The following SAP30BP variants were observed in gnomAD, a reference collection of about 807,000 sequenced individuals.
SAP30BP encodes SAP30 binding protein.
A neutral mutation model predicts 46.3 loss-of-function variants in SAP30BP; 31 were observed. The ratio of observed to expected loss-of-function variants is 0.67; its 90% CI spans 0.50 to 0.90. The LOEUF is 0.90. Among genes scored for constraint, SAP30BP ranks in the 40% least tolerant of loss-of-function variants. The pLI, the probability that SAP30BP is intolerant of heterozygous loss-of-function variation, is 0.00. For synonymous variants in SAP30BP, 169 were observed against 144.2 expected, an observed-to-expected ratio of 1.17 and a Z score of -1.23; for missense variants, 312 against 391.0, an observed-to-expected ratio of 0.80 and a Z score of 1.70.
At chr17:75,694,549 G>C (rs2060286450) in intron 4 of SAP30BP, among the ~76,000 whole-genome samples, 1 of 152,212 alleles carries the variant, frequency 6.6e-6, no homozygotes, top group African/African-American at 2.4e-5. Context: ...TTTAGAAAGT[G>C]ACGCCTTAGG....
At chr17:75,687,917 G>GGTGTGTGTGTGTGT (rs68006166) in intron 3 of SAP30BP, among the ~76,000 whole-genome samples, 287 of 120,332 alleles carry the variant, frequency 2.4e-3, no homozygotes, top group African/African-American at 7.0e-3. Context: ...CAGTGTTTGG[G>GGTGTGTGTGTGTGT]GTGTGTGTGT....
At chr17:75,695,081 A>G (rs2060297289) in intron 4 of SAP30BP, among the ~76,000 whole-genome samples, 1 of 123,330 alleles carries the variant, frequency 8.1e-6, no homozygotes. Flanking sequence ...CCTCAGCCTC[A>G]GGCAAGCTGT....
Position 75,706,724 on chromosome 17 carries a change from G to A in SAP30BP, c.*203G>A, listed in dbSNP as rs2060502908. On this transcript the variant is annotated 3_prime_UTR_variant, in exon 11 of 11. Transcript: ENST00000584667. The surrounding 1 kb of genome is among the most constrained non-coding windows in gnomAD (Gnocchi z 4.6). ...ACAGGGTCTGTCCACGCACCACCTGGGGTCTGCCGCCTATTAAAAGTGCCG... is the reference window on the plus strand; with the variant it reads ...ACAGGGTCTGTCCACGCACCACCTGAGGTCTGCCGCCTATTAAAAGTGCCG... 1.7e-6 allele frequency: 1 copy of A among 584,384 alleles called. No homozygotes were observed. The highest frequency in any genetic ancestry group is 3.0e-6 in the Non-Finnish European group (1 of 329,052). 36.2% of individuals were successfully genotyped at this position (584,384 alleles called of 1,614,324 possible). A position where few individuals can be genotyped will look rare whatever the true frequency, so the allele number is the denominator to read the frequency against.
Position 75,703,310 on chromosome 17 carries a change from G to T in SAP30BP, c.489-1G>T, listed in dbSNP as rs763464498. On this transcript the variant is annotated splice_acceptor_variant, in intron 6 of 10. Transcript: ENST00000584667. LOFTEE classifies it high-confidence loss of function. ...GCTCAGCGCCGGCACTGTTCTTTCA[G>T]CATCTACGAGAAGCTGATCCAGTTC... 1 of 1,614,070 alleles carries T rather than the reference G, an allele frequency of 6.2e-7. No homozygotes were observed. The highest frequency in any genetic ancestry group is 8.5e-7 in the Non-Finnish European group (1 of 1,179,984).
chr17:75,703,307 T>A lies in SAP30BP; in HGVS notation c.489-4T>A, dbSNP rs755693852. 6.2e-7 allele frequency: 1 copy of A among 1,614,098 alleles called. No individual in the cohort carries two copies. Among genetic ancestry groups the A allele is most frequent in the South Asian group, 1.1e-5 (1 of 91,084 alleles). ...CCTGCTCAGCGCCGGCACTGTTCTT[T>A]CAGCATCTACGAGAAGCTGATCCAG... On this transcript the variant is annotated splice_polypyrimidine_tract_variant and splice_region_variant and intron_variant, in intron 6 of 10. Transcript: ENST00000584667.
Position 75,706,536 on chromosome 17 carries a change from C to G in SAP30BP, c.*15C>G. ...CCAAGCAGTGACCTGAGGGGCCACC[C>G]TAGGACTTGAAAGGACCGTGCAGCC... is the stretch of plus-strand genomic sequence containing the variant. On this transcript the variant is annotated 3_prime_UTR_variant, in exon 11 of 11. Coordinates refer to ENST00000584667, the MANE Select transcript of SAP30BP (RefSeq NM_013260.8). The surrounding 1 kb of genome is among the most constrained non-coding windows in gnomAD (Gnocchi z 4.6). The G allele has an allele frequency of 1.2e-6, 2 of 1,612,590 alleles. No individual in the cohort carries two copies. Among genetic ancestry groups the G allele is most frequent in the Non-Finnish European group, 1.7e-6 (2 of 1,178,974 alleles).
intron 3 of SAP30BP, chr17:75,679,798 T>G (rs775053982): frequency 2.0e-5 from 3 of 152,184 alleles, no homozygotes; most frequent in Non-Finnish European, 4.4e-5. Flanking sequence ...GTGGCACTGC[T>G]GTTCTGGAAA....
At chr17:75,700,032 T>C in intron 5 of SAP30BP, 161 bp downstream of exon 5, 1 of 539,500 alleles carries the variant, frequency 1.9e-6, no homozygotes, top group South Asian at 2.2e-5. Context: ...CTTTACCTCC[T>C]GTTAGCCTCA....
intron 3 of SAP30BP, among the ~76,000 whole-genome samples, chr17:75,674,702 T>TTGG (rs1383234179): frequency 1.9e-5 from 1 of 51,982 alleles, no homozygotes; most frequent in Admixed American, 2.1e-4. Flanking sequence ...TTTTTGTTTT[T>TTGG]TTTTTTTTTT....
At chr17:75,688,837 A>C (rs1407745803) in intron 3 of SAP30BP, among the ~76,000 whole-genome samples, 1 of 152,136 alleles carries the variant, frequency 6.6e-6, no homozygotes, top group Non-Finnish European at 1.5e-5. Context: ...GTAATTCTTG[A>C]GAACCAGGCC....
intron 3 of SAP30BP, among the ~76,000 whole-genome samples, chr17:75,685,002 G>A (rs8067790): frequency 0.084 from 12,769 of 152,126 alleles, 1,718 homozygotes; most frequent in African/African-American, 0.28. Context: ...ACCCCTCCTT[G>A]GCTCCATTGC....
chr17:75,688,994 T>A (rs2060203125), intron 3 of SAP30BP, among the ~76,000 whole-genome samples: 1 of 152,064 alleles, frequency 6.6e-6, no homozygotes, highest in Admixed American at 6.6e-5. Context: ...GGGCCTTTAG[T>A]CTCAGGTGGG....
chr17:75,693,713 G>A (rs2060273219), intron 4 of SAP30BP, among the ~76,000 whole-genome samples: 1 of 152,136 alleles, frequency 6.6e-6, no homozygotes, highest in Non-Finnish European at 1.5e-5. Flanking sequence ...GGCTTTGGTC[G>A]GTTGCCAGCG....
In SAP30BP at chr17:75,706,328, C is replaced by T; in HGVS notation, c.746-12C>T. ...TGGTGGATCGTGATCCTGATTTCTG[C>T]TTTATCTCCAGATGCTCAGAAGAGA... On this transcript the variant is annotated splice_polypyrimidine_tract_variant and intron_variant, in intron 10 of 10. Transcript: ENST00000584667. This position sits in a 1 kb window ranked among gnomAD's most constrained non-coding sequence, Gnocchi z 4.6. 1 of 1,611,042 alleles carries T rather than the reference C, an allele frequency of 6.2e-7. No homozygotes were observed. The highest frequency in any genetic ancestry group is 1.1e-5 in the South Asian group (1 of 91,024).
chr17:75,703,848 A>T lies in SAP30BP; in HGVS notation c.590A>T (p.Tyr197Phe), dbSNP rs756353200. 1 of 1,612,906 alleles carries T rather than the reference A, an allele frequency of 6.2e-7. No individual in the cohort carries two copies. Among genetic ancestry groups the T allele is most frequent in the East Asian group, 2.2e-5 (1 of 44,874 alleles). ...DPHGWSEDSY[Y>F]EALAKAQKIE... is the part of the protein sequence containing the mutation. ...CATGGCTGGTCTGAGGACTCCTACT[A>T]TGAGGCATTAGGTAGCCTTTCGTCC... The change falls in exon 8 of 11, where the codon TAT (tyrosine) becomes TTT (phenylalanine). Residue 197 changes from tyrosine to phenylalanine, a missense_variant. By Grantham distance (22) the Tyr-to-Phe change is conservative (BLOSUM62 3). Transcript: ENST00000584667.
intron 4 of SAP30BP, 28 bp downstream of exon 4, chr17:75,693,510 G>A (rs770443159): frequency 5.0e-6 from 8 of 1,610,460 alleles, no homozygotes; most frequent in African/African-American, 4.0e-5. Flanking sequence ...CTGGGGGCAC[G>A]TTTCTCAGCC....
At chr17:75,685,408 A>T (rs911226663) in intron 3 of SAP30BP, among the ~76,000 whole-genome samples, 1 of 152,016 alleles carries the variant, frequency 6.6e-6, no homozygotes, top group African/African-American at 2.4e-5. Context: ...TTAGGTAAAT[A>T]TTTTCTGGGC....
chr17:75,697,713 C>T (rs942791339), intron 4 of SAP30BP, among the ~76,000 whole-genome samples: 1 of 152,232 alleles, frequency 6.6e-6, no homozygotes, highest in Non-Finnish European at 1.5e-5. Flanking sequence ...CGACTCCTGT[C>T]TCAGTGTATT....
At chr17:75,699,056 G>A (rs1270792348) in intron 4 of SAP30BP, among the ~76,000 whole-genome samples, 1 of 152,156 alleles carries the variant, frequency 6.6e-6, no homozygotes, top group African/African-American at 2.4e-5. Flanking sequence ...GTCAGGCATG[G>A]TGGCATGCAC....
Sources: allele counts gnomAD v4.1 joint callset (sites outside exome capture counted in the v4.1 genomes callset), GRCh38; gene constraint gnomAD v4.1.1; non-coding constraint Gnocchi (gnomAD v3.1); transcripts MANE v1.5; gene names NCBI Gene and HGNC (gene_info 2026-07-23, HGNC 2026-07-21).